TAFA2: variants seen among roughly 807,000 people sequenced by gnomAD.
TAFA2 encodes the protein TAFA chemokine like family member 2.
A neutral mutation model predicts 18.8 loss-of-function variants in TAFA2; 7 were observed. The observed-to-expected ratio is 0.37, with a 90% CI of 0.21 to 0.70. The LOEUF is 0.70. Among genes scored for constraint, TAFA2 ranks in the 30% least tolerant of loss-of-function variants. The pLI is 0.53. For synonymous variants in TAFA2, 60 were observed against 54.2 expected (o/e 1.11, Z -0.47); for missense variants, 122 against 158.1 (o/e 0.77, Z 1.23).
chr12:61,763,741 G>A (rs1348739340), intron 2 of TAFA2, among the ~76,000 whole-genome samples: 1 of 151,876 alleles, frequency 6.6e-6, no homozygotes, highest in Admixed American at 6.6e-5. Flanking sequence ...ACGGTAAAGA[G>A]GGATGGAGCT....
chr12:62,247,287 C>G (rs949117229), intron 1 of TAFA2, among the ~76,000 whole-genome samples: 1 of 152,004 alleles, frequency 6.6e-6, no homozygotes, highest in Non-Finnish European at 1.5e-5. Flanking sequence ...TTTTTCACAA[C>G]AAAATCATTT....
At chr12:62,025,709 G>T (rs1881290577) in intron 1 of TAFA2, among the ~76,000 whole-genome samples, 1 of 151,974 alleles carries the variant, frequency 6.6e-6, no homozygotes, top group Non-Finnish European at 1.5e-5. Flanking sequence ...CTTAGTAGAG[G>T]ATAAGCCTTG....
At chr12:61,944,335 G>A (rs1878170636) in intron 1 of TAFA2, among the ~76,000 whole-genome samples, 1 of 150,702 alleles carries the variant, frequency 6.6e-6, no homozygotes, top group East Asian at 1.9e-4. Flanking sequence ...AGCACTAAAT[G>A]CTCACAAGAG....
intron 1 of TAFA2, among the ~76,000 whole-genome samples, chr12:62,055,542 A>G (rs1483478869): frequency 1.3e-5 from 2 of 152,218 alleles, no homozygotes; most frequent in Non-Finnish European, 2.9e-5. Context: ...TTGTGCCACC[A>G]TTTCAATGAC....
At chr12:62,184,000 A>G (rs1204641190) in intron 1 of TAFA2, among the ~76,000 whole-genome samples, 1 of 152,170 alleles carries the variant, frequency 6.6e-6, no homozygotes, top group Non-Finnish European at 1.5e-5. Context: ...ATAAAGCAAC[A>G]TTACTAAATT....
intron 1 of TAFA2, among the ~76,000 whole-genome samples, chr12:62,251,077 T>C (rs2062911284): frequency 6.6e-6 from 1 of 150,552 alleles, no homozygotes; most frequent in South Asian, 2.1e-4. Context: ...CAGAATTTGA[T>C]GTATAAAGTA....
At chr12:62,202,616 C>T (rs949322939) in intron 1 of TAFA2, among the ~76,000 whole-genome samples, 8 of 151,928 alleles carry the variant, frequency 5.3e-5, no homozygotes, top group African/African-American at 1.9e-4. Flanking sequence ...GCCACTGTGC[C>T]CGGTCCTTTC....
chr12:62,046,831 A>C (rs1881921470), intron 1 of TAFA2, among the ~76,000 whole-genome samples: 1 of 152,108 alleles, frequency 6.6e-6, no homozygotes, highest in Admixed American at 6.6e-5. Context: ...TTATTTCAAC[A>C]TATTATTTGT....
intron 1 of TAFA2, among the ~76,000 whole-genome samples, chr12:62,160,528 G>A (rs1432081054): frequency 6.6e-6 from 1 of 152,220 alleles, no homozygotes; most frequent in Non-Finnish European, 1.5e-5. Flanking sequence ...CTACGTCACA[G>A]TAAGTATTAA....
intron 1 of TAFA2, among the ~76,000 whole-genome samples, chr12:62,158,659 G>A (rs746834647): frequency 6.6e-6 from 1 of 152,190 alleles, no homozygotes; most frequent in Non-Finnish European, 1.5e-5. Context: ...CCAGCCCAGT[G>A]ATTGTGAAAC....
At chr12:61,733,830 G>A (rs1278368097) in intron 4 of TAFA2, among the ~76,000 whole-genome samples, 3 of 151,842 alleles carry the variant, frequency 2.0e-5, no homozygotes, top group Non-Finnish European at 4.4e-5. Flanking sequence ...GTAGCTTGAT[G>A]GGGATGGCAT....
Position 61,766,557 on chromosome 12 carries a change from T to C in TAFA2, c.107-11533A>G, listed in dbSNP as rs533440839. On this transcript the variant is annotated intron_variant, in intron 2 of 4. Coordinates refer to ENST00000416284, the MANE Select transcript of TAFA2 (RefSeq NM_178539.5). ...GCTCTGATTAACAATTTCTTACTTA[T>C]CTCTGTAACGCGTGTAATTGTCTTT... 1.3e-3 allele frequency among the ~76,000 whole-genome samples: 193 copies of C among 152,206 alleles called. 1 individual carries two copies. The highest frequency in any genetic ancestry group is 3.2e-3 in the African/African-American group (132 of 41,562).
intron 4 of TAFA2, among the ~76,000 whole-genome samples, chr12:61,715,357 TA>T (rs1162409976): frequency 1.2e-4 from 18 of 151,982 alleles, no homozygotes; most frequent in African/African-American, 4.4e-4. Flanking sequence ...TATTTTATTT[TA>T]TTTTTTTTGA....
chr12:62,044,744 T>C (rs960080502), intron 1 of TAFA2, among the ~76,000 whole-genome samples: 2 of 152,162 alleles, frequency 1.3e-5, no homozygotes, highest in Admixed American at 6.6e-5. Flanking sequence ...CATCTTTATC[T>C]TTCTGCCTTT....
At chr12:61,981,705 A>G (rs1006694668) in intron 1 of TAFA2, among the ~76,000 whole-genome samples, 2 of 152,258 alleles carry the variant, frequency 1.3e-5, no homozygotes, top group African/African-American at 4.8e-5. Flanking sequence ...GACACATGAA[A>G]AAATGCTTAT....
chr12:62,174,941 G>T (rs866913872), intron 1 of TAFA2, among the ~76,000 whole-genome samples: 1 of 152,070 alleles, frequency 6.6e-6, no homozygotes, highest in African/African-American at 2.4e-5. Context: ...TATAAACTCC[G>T]AGAGTAATGA....
chr12:61,958,733 G>A (rs960255375), intron 1 of TAFA2, among the ~76,000 whole-genome samples: 2 of 151,770 alleles, frequency 1.3e-5, no homozygotes, highest in Admixed American at 1.3e-4. Flanking sequence ...CAGATCTTCT[G>A]TGTGTTTACC....
chr12:62,163,862 T>C (rs1257260206), intron 1 of TAFA2, among the ~76,000 whole-genome samples: 1 of 152,104 alleles, frequency 6.6e-6, no homozygotes, highest in Non-Finnish European at 1.5e-5. Flanking sequence ...TATTAACGTG[T>C]AGTATTTCTT....
At position 62,206,093 on chromosome 12, in the gene TAFA2, C is replaced by T. The variant is rs996170473; in HGVS notation, c.-130+52670G>A. On this transcript the variant is annotated intron_variant, in intron 1 of 5. Coordinates refer to the TAFA2 transcript ENST00000551619. ...GAGAGAACCTGGATACCTCATTTGC[C>T]GGTGCAGGAGTCACTCACTGTTTTT... Among the ~76,000 whole-genome samples the T allele has an allele frequency of 3.9e-5, 6 of 152,118 alleles. No homozygotes were observed. The East Asian group carries it at 7.7e-4, about 20-fold the overall frequency.
Sources: allele counts gnomAD v4.1 joint callset (sites outside exome capture counted in the v4.1 genomes callset), GRCh38; gene constraint gnomAD v4.1.1; transcripts MANE v1.5; gene names NCBI Gene and HGNC (gene_info 2026-07-23, HGNC 2026-07-21).